Variants in ITGAD observed in about 807,000 individuals in gnomAD.
ITGAD encodes the protein integrin alpha-D.
ITGAD carries 105 observed loss-of-function variants against 139.0 expected under a neutral mutation model. That is an observed-to-expected ratio of 0.76 (90% CI 0.65 to 0.89). The LOEUF (loss-of-function observed/expected upper bound fraction) is 0.89. ITGAD is among the 40% of genes least tolerant of loss of function. The pLI is 0.00. For synonymous variants in ITGAD, 569 were observed against 598.3 expected, an observed-to-expected ratio of 0.95 and a Z score of 0.71; for missense variants, 1,384 against 1,487.3, an observed-to-expected ratio of 0.93 and a Z score of 1.14.
rs2081946423 is a variant in ITGAD, at chr16:31,418,579, G to A, written c.2780+15G>A. 6.2e-7 allele frequency: 1 copy of A among 1,607,568 alleles called. No individual in the cohort carries two copies. The highest frequency in any genetic ancestry group is 1.7e-5 in the Admixed American group (1 of 59,994). ...ATGATCAGCAGGTGCCCAGTCCCTG[G>A]CCTTCCCCTTGGACCTCTGGCCTTC... is the stretch of plus-strand genomic sequence containing the variant. On this transcript the variant is annotated intron_variant, in intron 23 of 29. Transcript: ENST00000389202.
rs527756349 is a variant in ITGAD at position 31,395,052 on chromosome 16, C to T, written c.137+711C>T. On this transcript the variant is annotated intron_variant, in intron 2 of 29. Coordinates refer to ENST00000389202, the MANE Select transcript of ITGAD (RefSeq NM_005353.3). ...GATGGCAGGGCTGGGCACCATGGCT[C>T]ACGCCTATAATCCCAACGCTTTGGG... Among the ~76,000 whole-genome samples, 4 of 152,312 alleles carry T rather than the reference C, an allele frequency of 2.6e-5. No homozygotes were observed. The South Asian group carries it at 8.3e-4, about 32-fold the overall frequency.
intron 23 of ITGAD, 135 bp from the exon 24 acceptor site, chr16:31,422,979 C>G: frequency 2.8e-6 from 2 of 724,464 alleles, no homozygotes; most frequent in Middle Eastern, 2.7e-4. Flanking sequence ...GCATGAGCCA[C>G]TGTGCCCGGC....
In ITGAD at chr16:31,426,038, C is replaced by A. The variant is rs755308065; in HGVS notation, c.3396C>A (p.Tyr1132Ter). The A allele has an allele frequency of 4.3e-6, 7 of 1,613,830 alleles. No individual in the cohort carries two copies. The African/African-American group carries it at 8.0e-5, about 18-fold the overall frequency. The stretch of plus-strand genomic sequence containing the variant: ...AGCTTGGCTTCTTCAAACGCCACTA[C>A]AAGGAAATGCTGGAGGACAAGCCTG... ...LYKLGFFKRH[Y>*]KEMLEDKPED... is the part of the protein sequence containing the mutation. Residue 1132 changes from tyrosine to a stop codon, truncating the protein, a stop_gained, in exon 30 of 30, where the codon TAC (tyrosine) becomes TAA (stop). Transcript: ENST00000389202. LOFTEE classifies it low-confidence loss of function (END_TRUNC).
At chr16:31,395,153 C>G (rs2081233791) in intron 2 of ITGAD, among the ~76,000 whole-genome samples, 1 of 152,050 alleles carries the variant, frequency 6.6e-6, no homozygotes, top group East Asian at 1.9e-4. Flanking sequence ...CCCATCTCTA[C>G]TAAAAATGCA....
chr16:31,410,576 G>A, intron 11 of ITGAD, 52 bp downstream of exon 11: 4 of 1,610,632 alleles, frequency 2.5e-6, no homozygotes, highest in Non-Finnish European at 3.4e-6. Flanking sequence ...TGCCCAGGGT[G>A]GGGTCCAGGG....
At position 31,403,531 on chromosome 16, in the gene ITGAD, A is replaced by T. The variant is rs1168049979; in HGVS notation, c.590A>T (p.Lys197Met). The T allele has an allele frequency of 6.2e-7, 1 of 1,614,182 alleles. No homozygotes were observed. Among genetic ancestry groups the T allele is most frequent in the Non-Finnish European group, 8.5e-7 (1 of 1,180,034 alleles). ...CTGATGCAGTACTCAAACCTCCTGA[A>T]GATCCACTTCACCTTCACCCAATTC... ...FALMQYSNLLKIHFTFTQFRT... is the reference protein window; with the variant it reads ...FALMQYSNLLMIHFTFTQFRT... Residue 197 changes from lysine (K) to methionine (M), a missense_variant, in exon 7 of 30, where the codon AAG becomes ATG. Lys to Met is a moderately conservative substitution (Grantham distance 95). Coordinates refer to ENST00000389202, the MANE Select transcript of ITGAD (RefSeq NM_005353.3). The surrounding 1 kb of genome is among the most constrained non-coding windows in gnomAD (Gnocchi z 4.4).
In ITGAD at chr16:31,411,395, G is replaced by C; in HGVS notation, c.1585G>C (p.Asp529His). 1.2e-6 allele frequency: 2 copies of C among 1,614,120 alleles called. No homozygotes were observed. The highest frequency in any genetic ancestry group is 1.7e-6 in the Non-Finnish European group (2 of 1,179,994). Residue 529 changes from aspartate (D) to histidine (H), a missense_variant, in exon 14 of 30, where the codon GAT becomes CAT. Transcript: ENST00000389202. The part of the protein sequence containing the change: ...RFGAALTVLG[D>H]VNEDKLIDVA... ...TGGGGCAGCCCTGACAGTGTTGGGG[G>C]ATGTGAATGAGGACAAGCTGATAGA...
chr16:31,415,251 A>C (rs1445086498), intron 18 of ITGAD, among the ~76,000 whole-genome samples: 1 of 152,024 alleles, frequency 6.6e-6, no homozygotes, highest in Non-Finnish European at 1.5e-5. Context: ...GTTGACACGA[A>C]ATGGTTCCCA....
intron 7 of ITGAD, chr16:31,404,271 A>C (rs2081483094): frequency 1.3e-5 from 2 of 152,262 alleles, no homozygotes; most frequent in African/African-American, 4.8e-5. Context: ...TGCCCCGTGC[A>C]CATGCAGTCT....
At chr16:31,419,062 G>A (rs944207432) in intron 23 of ITGAD, among the ~76,000 whole-genome samples, 3 of 150,816 alleles carry the variant, frequency 2.0e-5, no homozygotes, top group Admixed American at 6.6e-5. Flanking sequence ...GCCTGGTGGC[G>A]CATGCCTGTA....
At position 31,412,946 on chromosome 16, in the gene ITGAD, C is replaced by T. The variant is rs1183367720; in HGVS notation, c.1816C>T (p.Arg606Trp). Reference sequence around the variant, plus strand: ...ACTGATGGACCTGGCCGTGGGGGCCCGGGGCCAGGTGCTCCTGCTCAGGTA... The same window carrying T: ...ACTGATGGACCTGGCCGTGGGGGCCTGGGGCCAGGTGCTCCTGCTCAGGTA... Reference protein sequence around the residue: ...DGLMDLAVGARGQVLLLRSLP... With the variant: ...DGLMDLAVGAWGQVLLLRSLP... The change falls in exon 15 of 30, where the codon CGG (arginine) becomes TGG (tryptophan). Residue 606 changes from arginine to tryptophan, a missense_variant. Arg to Trp is a moderately radical substitution (Grantham distance 101). Transcript: ENST00000389202. 1.7e-5 allele frequency: 27 copies of T among 1,609,452 alleles called. No homozygotes were observed. The highest frequency in any genetic ancestry group is 1.0e-4 in the Admixed American group (6 of 59,324).
rs558782515 is a variant in ITGAD, at chr16:31,426,245, G to T, written c.*117G>T. The T allele has an allele frequency of 1.2e-4, 81 of 684,800 alleles. 1 individual carries two copies. The African/African-American group carries it at 1.2e-3, about 11-fold the overall frequency. The allele number at this position is 684,800 out of a possible 1,614,324, so 42.4% of individuals were successfully genotyped here. ...TGCACTGGCCTAAGCAACCTACCAG[G>T]TGCTAAGCACCTTCTCGGAGAGATA... On this transcript the variant is annotated 3_prime_UTR_variant, in exon 30 of 30. Coordinates refer to ENST00000389202, the MANE Select transcript of ITGAD (RefSeq NM_005353.3).
At chr16:31,408,879 C>T (rs756899259) in intron 10 of ITGAD, among the ~76,000 whole-genome samples, 3 of 152,110 alleles carry the variant, frequency 2.0e-5, no homozygotes, top group Non-Finnish European at 2.9e-5. Context: ...AGGTCCTCGG[C>T]GGGAGAGATC....
At chr16:31,418,756 C>T (rs920170928) in intron 23 of ITGAD, among the ~76,000 whole-genome samples, 192 bp downstream of exon 23, 1 of 152,216 alleles carries the variant, frequency 6.6e-6, no homozygotes, top group Non-Finnish European at 1.5e-5. Context: ...CGCGGTACCT[C>T]GCGCCTGTAA....
intron 14 of ITGAD, among the ~76,000 whole-genome samples, chr16:31,412,124 C>T (rs1024932893): frequency 1.3e-5 from 2 of 150,934 alleles, no homozygotes; most frequent in African/African-American, 4.9e-5. Context: ...GGCTGGAGTG[C>T]AGTGGCGTAA....
At chr16:31,424,910 T>C (rs1159407424) in intron 29 of ITGAD, among the ~76,000 whole-genome samples, 1 of 152,100 alleles carries the variant, frequency 6.6e-6, no homozygotes, top group Non-Finnish European at 1.5e-5. Context: ...TATCCCATTC[T>C]TGACACCACC....
chr16:31,418,610 T>C, intron 23 of ITGAD, 46 bp downstream of exon 23: 2 of 1,381,018 alleles, frequency 1.4e-6, no homozygotes, highest in Non-Finnish European at 2.1e-6. Context: ...CCTTCCTCTA[T>C]GCCTGGTACT....
chr16:31,401,574 G>A (rs1461948386), intron 5 of ITGAD, among the ~76,000 whole-genome samples: 1 of 152,202 alleles, frequency 6.6e-6, no homozygotes, highest in African/African-American at 2.4e-5. Context: ...CCTGGCACGT[G>A]GTGAGAATGG....
intron 16 of ITGAD, 73 bp from the exon 17 acceptor site, chr16:31,414,378 T>C (rs1212217175): frequency 6.5e-7 from 1 of 1,532,422 alleles, no homozygotes; most frequent in Non-Finnish European, 8.9e-7. Context: ...ATGTATTGCA[T>C]GAACAAATAA....
Sources: gnomAD v4.1 joint callset for allele counts (sites outside exome capture counted in the v4.1 genomes callset) on GRCh38, gnomAD v4.1.1 for gene constraint, Gnocchi (gnomAD v3.1) non-coding constraint, MANE v1.5 for transcripts, NCBI Gene and HGNC (gene_info 2026-07-23, HGNC 2026-07-21) for gene names.